Variants in RYR2 observed in about 807,000 individuals in gnomAD.
RYR2 encodes ryanodine receptor 2.
In RYR2, 227 loss-of-function variants were observed where a neutral mutation model predicts 601.1. That is an observed-to-expected ratio of 0.38 (90% CI 0.34 to 0.42). The LOEUF (loss-of-function observed/expected upper bound fraction) is 0.42, where lower values mean the gene tolerates loss of function less well. RYR2 is among the 10% of genes least tolerant of loss of function. The pLI is 1.00. For missense variants in RYR2, 4,646 were observed against 6,156.5 expected (o/e 0.75, Z 8.21); for synonymous variants, 2,223 against 2,175.1 (o/e 1.02, Z -0.61).
chr1:237,536,630 G>A (rs1668644716), intron 25 of RYR2, among the ~76,000 whole-genome samples: 1 of 151,368 alleles, frequency 6.6e-6, no homozygotes, highest in East Asian at 2.0e-4. Flanking sequence ...CAGGAGAATG[G>A]CGTGAATCCG....
chr1:237,329,931 A>C (rs2078652379), intron 2 of RYR2, among the ~76,000 whole-genome samples: 1 of 152,224 alleles, frequency 6.6e-6, no homozygotes, highest in African/African-American at 2.4e-5. Flanking sequence ...AACAGGACCA[A>C]GTTAGAGGCA....
chr1:237,493,609 C>G (rs892492103), intron 19 of RYR2, among the ~76,000 whole-genome samples: 2 of 152,166 alleles, frequency 1.3e-5, no homozygotes, highest in East Asian at 2.0e-4. Context: ...CCCGCCACCA[C>G]GCCTGGCTAA....
At chr1:237,096,691 A>G (rs936712886) in intron 1 of RYR2, among the ~76,000 whole-genome samples, 5 of 152,218 alleles carry the variant, frequency 3.3e-5, no homozygotes, top group African/African-American at 1.2e-4. Context: ...ATTTGAAGAT[A>G]CTTAATTATA....
intron 1 of RYR2, among the ~76,000 whole-genome samples, chr1:237,148,587 T>C (rs960922372): frequency 5.7e-5 from 8 of 141,272 alleles, no homozygotes; most frequent in African/African-American, 1.3e-4. Context: ...TACACACACA[T>C]ATATATATAT....
rs760600314 is a variant in RYR2, at chr1:237,798,106, G to T, written c.14026G>T (p.Ala4676Ser). The change falls in exon 97 of 105, where the codon GCT (alanine) becomes TCT (serine). Residue 4676 changes from alanine to serine, a missense_variant. This residue lies in a region of RYR2 where 76 missense variants were observed against 97.4 expected (regional missense o/e 0.78). Coordinates refer to ENST00000366574, the MANE Select transcript of RYR2 (RefSeq NM_001035.3). ...ISELLGMDKA[A>S]LDFSDAREKK... ...TGAATTACTTGGCATGGACAAGGCA[G>T]CTCTGGACTTCAGTGATGCCAGAGA... 1.2e-6 allele frequency: 2 copies of T among 1,611,322 alleles called. No individual in the cohort carries two copies. Among genetic ancestry groups the T allele is most frequent in the East Asian group, 2.2e-5 (1 of 44,842 alleles).
In RYR2 at chr1:237,792,264, T is replaced by C; in HGVS notation, c.13723T>C (p.Leu4575=). 1 of 1,613,830 alleles carries C rather than the reference T, an allele frequency of 6.2e-7. No homozygotes were observed. Among genetic ancestry groups the C allele is most frequent in the Non-Finnish European group, 8.5e-7 (1 of 1,179,822 alleles). ...SGYMEPTLRI[L]AILHTVISFF... The stretch of plus-strand genomic sequence containing the variant: ...CTACATGGAGCCCACGTTGCGTATC[T>C]TAGCTATTCTGCACACGGTCATTTC... Residue 4575 remains leucine (L), a synonymous_variant, in exon 94 of 105, where the codon TTA becomes CTA. Coordinates refer to ENST00000366574, the MANE Select transcript of RYR2 (RefSeq NM_001035.3).
chr1:237,822,758 C>T (rs12031788), intron 101 of RYR2, among the ~76,000 whole-genome samples: 23,296 of 152,136 alleles, frequency 0.15, 2,292 homozygotes, highest in Middle Eastern at 0.24. Context: ...AGTCAAGACC[C>T]ATTAATGTGC....
intron 1 of RYR2, among the ~76,000 whole-genome samples, chr1:237,053,306 T>C (rs1325095893): frequency 6.6e-6 from 1 of 152,242 alleles, no homozygotes; most frequent in Non-Finnish European, 1.5e-5. Context: ...ACATTTCTTC[T>C]TCAGACAAAT....
At chr1:237,650,787 T>C (rs1298050543) in intron 50 of RYR2, among the ~76,000 whole-genome samples, 1 of 152,200 alleles carries the variant, frequency 6.6e-6, no homozygotes. Flanking sequence ...GGGGAGTGTC[T>C]GGGTTGAGAA....
intron 43 of RYR2, among the ~76,000 whole-genome samples, chr1:237,633,973 G>A (rs765832991): frequency 5.3e-5 from 8 of 152,128 alleles, no homozygotes; most frequent in Non-Finnish European, 1.0e-4. Flanking sequence ...AAGTGTTGGC[G>A]AGGGTGTGGG....
chr1:237,330,762 A>G (rs1055537240), intron 2 of RYR2, 116 bp from the exon 3 acceptor site: 82 of 746,636 alleles, frequency 1.1e-4, no homozygotes, highest in Non-Finnish European at 1.9e-5. Flanking sequence ...GGGAACTTGC[A>G]GTAGAAAGTT....
chr1:237,247,835 G>C (rs916199430), intron 1 of RYR2, among the ~76,000 whole-genome samples: 1 of 152,200 alleles, frequency 6.6e-6, no homozygotes, highest in African/African-American at 2.4e-5. Context: ...GATATCTTAG[G>C]TGAGTCTTAA....
chr1:237,167,694 G>C (rs1027310094), intron 1 of RYR2, among the ~76,000 whole-genome samples: 1 of 144,026 alleles, frequency 6.9e-6, no homozygotes, highest in African/African-American at 2.6e-5. Flanking sequence ...ACTGATGTCT[G>C]ATTGATCCAC....
At chr1:237,380,979 G>A (rs1233995839) in intron 8 of RYR2, among the ~76,000 whole-genome samples, 4 of 152,168 alleles carry the variant, frequency 2.6e-5, no homozygotes. Context: ...TTGGGAGGCT[G>A]AGACAGGAGA....
chr1:237,096,166 C>A (rs1056834095), intron 1 of RYR2, among the ~76,000 whole-genome samples: 1 of 152,114 alleles, frequency 6.6e-6, no homozygotes, highest in Admixed American at 6.5e-5. Context: ...CAGTGTCGTC[C>A]TTCAACAGAA....
chr1:237,294,264 C>G (rs531683974), intron 2 of RYR2, among the ~76,000 whole-genome samples: 1 of 152,098 alleles, frequency 6.6e-6, no homozygotes, highest in East Asian at 1.9e-4. Context: ...ATTCAGTCTC[C>G]CATGTTCATG....
intron 88 of RYR2, among the ~76,000 whole-genome samples, chr1:237,780,842 C>T (rs1235142982): frequency 6.6e-6 from 1 of 151,956 alleles, no homozygotes; most frequent in Non-Finnish European, 1.5e-5. Flanking sequence ...TGCTTATATG[C>T]CTATATTTCT....
chr1:237,518,128 C>T lies in RYR2; in HGVS notation c.2822+6337C>T, dbSNP rs186176001. ...ATTAATGTTACTATCACCACATCAT[C>T]AACTCCAACATGATTGCCACCCTAT... On this transcript the variant is annotated intron_variant, in intron 24 of 104. Coordinates refer to ENST00000366574, the MANE Select transcript of RYR2 (RefSeq NM_001035.3). Among the ~76,000 whole-genome samples, 60 of 152,242 alleles carry T rather than the reference C, an allele frequency of 3.9e-4. 2 individuals are homozygous for T. Among genetic ancestry groups the T allele is most frequent in the African/African-American group, 1.4e-3 (60 of 41,558 alleles).
intron 10 of RYR2, among the ~76,000 whole-genome samples, chr1:237,398,364 C>A (rs899622372): frequency 6.6e-6 from 1 of 152,032 alleles, no homozygotes; most frequent in African/African-American, 2.4e-5. Context: ...GATTTGCAAA[C>A]CATATCTGAT....
Sources: gnomAD v4.1 joint callset for allele counts (sites outside exome capture counted in the v4.1 genomes callset) on GRCh38, gnomAD v4.1.1 for gene constraint, gnomAD v4.1.1 regional missense constraint, MANE v1.5 for transcripts, NCBI Gene and HGNC (gene_info 2026-07-23, HGNC 2026-07-21) for gene names.